The following SLCO1C1 variants were observed in gnomAD, a reference collection of about 807,000 sequenced individuals.
SLCO1C1 encodes solute carrier organic anion transporter family member 1C1, also known as OAT-RP-5.
In SLCO1C1, 70 loss-of-function variants were observed where a neutral mutation model predicts 76.4. The observed-to-expected ratio is 0.92, with a 90% CI of 0.76 to 1.12. The LOEUF is 1.12. SLCO1C1 is among the 50% of genes most tolerant of loss of function. SLCO1C1 has a pLI of 0.00. For missense variants in SLCO1C1, 912 were observed against 823.8 expected (o/e 1.11, Z -1.31); for synonymous variants, 306 against 286.1 (o/e 1.07, Z -0.70).
Position 20,721,882 on chromosome 12 carries a change from G to T in SLCO1C1, c.854G>T (p.Ser285Ile). Residue 285 changes from serine (S) to isoleucine (I), a missense_variant, in exon 8 of 15, where the codon AGT becomes ATT. Coordinates refer to ENST00000266509, the MANE Select transcript of SLCO1C1 (RefSeq NM_017435.5). ...GGCTATCTAATAGCAGGAATCATAA[G>T]TCTTCTTGCAGCTGTGCCTTTCTGG... The part of the protein sequence containing the change: ...WLGYLIAGII[S>I]LLAAVPFWYL... 1 of 1,614,166 alleles carries T rather than the reference G, an allele frequency of 6.2e-7. No individual in the cohort carries two copies. Among genetic ancestry groups the T allele is most frequent in the Non-Finnish European group, 8.5e-7 (1 of 1,180,022 alleles).
chr12:20,716,145 C>T (rs1021643727), intron 6 of SLCO1C1, among the ~76,000 whole-genome samples: 1 of 152,206 alleles, frequency 6.6e-6, no homozygotes, highest in Non-Finnish European at 1.5e-5. Context: ...CTTGCCTTGG[C>T]TATGCTCTGC....
rs111315416 is a variant in SLCO1C1 at position 20,713,366 on chromosome 12, A to G, written c.530-1773A>G. On this transcript the variant is annotated intron_variant, in intron 5 of 14. Transcript: ENST00000266509. ...AGTGCTGGGATTACAGGCGTGAGCC[A>G]CCGCGCCCGGCCAGATGTTTTCTTT... Among the ~76,000 whole-genome samples the G allele has an allele frequency of 1.6e-4, 24 of 152,322 alleles. 2 individuals are homozygous for G. Among genetic ancestry groups the G allele is most frequent in the African/African-American group, 5.8e-4 (24 of 41,570 alleles).
Position 20,719,100 on chromosome 12 carries a change from CTATTATTATTATTATTAT to C in SLCO1C1, c.775+1885_775+1902del, listed in dbSNP as rs71039975. Among the ~76,000 whole-genome samples, 10 of 145,652 alleles carry C rather than the reference CTATTATTATTATTATTAT, an allele frequency of 6.9e-5. No homozygotes were observed. In the East Asian group the frequency reaches 1.2e-3, roughly 17 times the overall value. On this transcript the variant is annotated intron_variant, in intron 7 of 14. Coordinates refer to ENST00000266509, the MANE Select transcript of SLCO1C1 (RefSeq NM_017435.5). ...ATTCTCCTAATATCGCAAGCTTTTA[CTATTATTATTATTATTAT>C]TATTATTATTATTAGCTTACCCATT...
chr12:20,738,019 A>G (rs953116227), intron 11 of SLCO1C1, among the ~76,000 whole-genome samples: 3 of 152,164 alleles, frequency 2.0e-5, no homozygotes, highest in South Asian at 2.1e-4. Context: ...GCAGATGACC[A>G]TCTTCACCTT....
intron 9 of SLCO1C1, among the ~76,000 whole-genome samples, chr12:20,724,867 A>G (rs1003533248): frequency 6.2e-5 from 9 of 145,912 alleles, no homozygotes; most frequent in African/African-American, 2.2e-4. Context: ...TATATTATAA[A>G]TATATAATTT....
chr12:20,736,438 A>T (rs1253382408), intron 10 of SLCO1C1, among the ~76,000 whole-genome samples: 1 of 152,106 alleles, frequency 6.6e-6, no homozygotes, highest in African/African-American at 2.4e-5. Flanking sequence ...TCAACAAATA[A>T]ATGGGTAAGT....
intron 3 of SLCO1C1, 116 bp from the exon 4 acceptor site, chr12:20,705,833 G>C: frequency 1.0e-6 from 1 of 1,000,054 alleles, no homozygotes; most frequent in Admixed American, 2.5e-5. Flanking sequence ...AAATGATGCA[G>C]AGATGGCTTA....
Position 20,723,158 on chromosome 12 carries a change from G to A in SLCO1C1, c.1090G>A (p.Val364Ile). ...CTTCCTATATTTATGTACAAGCACT[G>A]TTCAGTTCAATTCTCTGTTCGGCAT... ...VYFLYLCTST[V>I]QFNSLFGMVT... Residue 364 changes from valine to isoleucine, a missense_variant, in exon 9 of 15, where the codon GTT (valine) becomes ATT (isoleucine). Physicochemically the swap from Val to Ile is conservative, Grantham distance 29 (BLOSUM62 3). Coordinates refer to ENST00000266509, the MANE Select transcript of SLCO1C1 (RefSeq NM_017435.5). The A allele has an allele frequency of 6.2e-7, 1 of 1,614,070 alleles. No homozygotes were observed. The highest frequency in any genetic ancestry group is 2.2e-5 in the East Asian group (1 of 44,874).
At chr12:20,736,907 A>T (rs1056386072) in intron 10 of SLCO1C1, among the ~76,000 whole-genome samples, 200 bp from the exon 11 acceptor site, 8 of 152,314 alleles carry the variant, frequency 5.3e-5, no homozygotes, top group Admixed American at 3.3e-4. Flanking sequence ...ACCTCTAAAG[A>T]TAACTTTCAA....
In SLCO1C1 at chr12:20,695,515, G is replaced by A. The variant is rs1292447812; in HGVS notation, c.-318G>A. On this transcript the variant is annotated 5_prime_UTR_variant, in exon 1 of 15. Transcript: ENST00000266509. Reference sequence around the variant, plus strand: ...GCTCTTTCTGTGCCCTGGGAGCTGAGATGCACGTCAGTGGCCTTGCCAGCG... The same window carrying A: ...GCTCTTTCTGTGCCCTGGGAGCTGAAATGCACGTCAGTGGCCTTGCCAGCG... 1 of 152,202 alleles carries A rather than the reference G, an allele frequency of 6.6e-6. No individual in the cohort carries two copies. 9.4% of individuals were successfully genotyped at this position (152,202 alleles called of 1,614,324 possible). A position where few individuals can be genotyped will look rare whatever the true frequency, so the allele number is the denominator to read the frequency against.
At chr12:20,736,913 T>G (rs1392040471) in intron 10 of SLCO1C1, among the ~76,000 whole-genome samples, 194 bp from the exon 11 acceptor site, 1 of 152,140 alleles carries the variant, frequency 6.6e-6, no homozygotes, top group Non-Finnish European at 1.5e-5. Context: ...AAAGATAACT[T>G]TCAAGAGAAA....
chr12:20,724,451 A>ATATATATG (rs1555129500), intron 9 of SLCO1C1, among the ~76,000 whole-genome samples: 3 of 75,402 alleles, frequency 4.0e-5, no homozygotes, highest in African/African-American at 5.3e-5. Flanking sequence ...ATATATATAT[A>ATATATATG]TGTGTGTGTG....
At chr12:20,725,332 ATATGC>A (rs1947924668) in intron 9 of SLCO1C1, among the ~76,000 whole-genome samples, 1 of 136,290 alleles carries the variant, frequency 7.3e-6, no homozygotes, top group East Asian at 2.0e-4. Context: ...AGATAGTATT[ATATGC>A]TATATTAAAA....
rs1948592317 is a variant in SLCO1C1 at position 20,737,226 on chromosome 12, C to T, written c.1502C>T (p.Ala501Val). The change falls in exon 11 of 15, where the codon GCT becomes GTT. Residue 501 changes from alanine to valine, a missense_variant. Coordinates refer to ENST00000266509, the MANE Select transcript of SLCO1C1 (RefSeq NM_017435.5). ...GAAAATGGAATCACATATGTATCAG[C>T]TTGTCTTGCTGGTTGTCAAACCTCC... ...CGENGITYVSACLAGCQTSNR... is the reference protein window; with the variant it reads ...CGENGITYVSVCLAGCQTSNR... 1.3e-6 allele frequency: 2 copies of T among 1,569,882 alleles called. No individual in the cohort carries two copies. The highest frequency in any genetic ancestry group is 1.7e-6 in the Non-Finnish European group (2 of 1,164,884).
chr12:20,721,667 A>G, intron 7 of SLCO1C1, 137 bp from the exon 8 acceptor site: 1 of 929,318 alleles, frequency 1.1e-6, no homozygotes, highest in Non-Finnish European at 1.4e-6. Flanking sequence ...GATCCAGATA[A>G]AAAAAAAAAT....
Position 20,733,184 on chromosome 12 carries a change from T to C in SLCO1C1, c.1382+80T>C, listed in dbSNP as rs1948376974. Reference sequence around the variant, plus strand: ...TATTGGTGGAGTTGCAAAAAAGGAATTTGATTTTTAAACATCATAACTATG... The same window carrying C: ...TATTGGTGGAGTTGCAAAAAAGGAACTTGATTTTTAAACATCATAACTATG... On this transcript the variant is annotated intron_variant, in intron 10 of 14. Coordinates refer to ENST00000266509, the MANE Select transcript of SLCO1C1 (RefSeq NM_017435.5). 7 of 1,343,432 alleles carry C rather than the reference T, an allele frequency of 5.2e-6. No individual in the cohort carries two copies. The South Asian group carries it at 7.8e-5, about 15-fold the overall frequency. The allele number at this position is 1,343,432 out of a possible 1,614,324, so 83.2% of individuals were successfully genotyped here.
chr12:20,750,173 G>T (rs1041738444), intron 13 of SLCO1C1, among the ~76,000 whole-genome samples: 1 of 152,196 alleles, frequency 6.6e-6, no homozygotes, highest in Admixed American at 6.5e-5. Context: ...ATTTGAGAAG[G>T]TTAATGAATG....
At chr12:20,712,474 C>T (rs182873831) in intron 5 of SLCO1C1, among the ~76,000 whole-genome samples, 74 of 152,238 alleles carry the variant, frequency 4.9e-4, no homozygotes, top group Non-Finnish European at 9.1e-4. Context: ...GTCTCTAGGA[C>T]GCAGTACAGG....
chr12:20,737,360 T>C (rs2120858008), intron 11 of SLCO1C1, 88 bp downstream of exon 11: 1 of 1,348,572 alleles, frequency 7.4e-7, no homozygotes, highest in Admixed American at 2.9e-5. Flanking sequence ...AGACCACTAC[T>C]AGTAGGAGGC....
Sources: gnomAD v4.1 joint callset for allele counts (sites outside exome capture counted in the v4.1 genomes callset) on GRCh38, gnomAD v4.1.1 for gene constraint, MANE v1.5 for transcripts, NCBI Gene and HGNC (gene_info 2026-07-23, HGNC 2026-07-21) for gene names.